Variants in RAB3IP observed in about 807,000 individuals in gnomAD.
The protein encoded by RAB3IP is rab-3A-interacting protein.
In RAB3IP, 36 loss-of-function variants were observed where a neutral mutation model predicts 59.1. That is an observed-to-expected ratio of 0.61 (90% CI 0.47 to 0.80). RAB3IP has a LOEUF of 0.80. RAB3IP is among the 30% of genes least tolerant of loss of function. The pLI, the probability that RAB3IP is intolerant of heterozygous loss-of-function variation, is 0.00. For missense variants in RAB3IP, 511 were observed against 536.0 expected (o/e 0.95, Z 0.46); for synonymous variants, 207 against 191.2 (o/e 1.08, Z -0.68).
intron 1 of RAB3IP, among the ~76,000 whole-genome samples, chr12:69,751,396 T>C (rs1054130804): frequency 6.6e-6 from 1 of 152,170 alleles, no homozygotes; most frequent in Non-Finnish European, 1.5e-5. Context: ...GTTCTTTTTT[T>C]TGGAGGACAT....
chr12:69,751,791 G>A (rs1187709052), intron 1 of RAB3IP, among the ~76,000 whole-genome samples: 7 of 151,980 alleles, frequency 4.6e-5, no homozygotes, highest in African/African-American at 1.7e-4. Flanking sequence ...TCTTTTCTGT[G>A]TGGTTAAGCT....
At chr12:69,780,862 T>C (rs1874580191) in intron 3 of RAB3IP, among the ~76,000 whole-genome samples, 1 of 152,230 alleles carries the variant, frequency 6.6e-6, no homozygotes, top group Non-Finnish European at 1.5e-5. Flanking sequence ...TTGTTATTTT[T>C]AATCAAATGC....
At chr12:69,746,042 A>G (rs1406425757) in intron 1 of RAB3IP, among the ~76,000 whole-genome samples, 1 of 152,218 alleles carries the variant, frequency 6.6e-6, no homozygotes, top group Admixed American at 6.5e-5. Context: ...TTGTGAATAA[A>G]TATAAATGAA....
intron 4 of RAB3IP, among the ~76,000 whole-genome samples, chr12:69,792,007 A>G: frequency 6.6e-6 from 1 of 152,326 alleles, no homozygotes; most frequent in African/African-American, 2.4e-5. Context: ...GCCTTTTGCA[A>G]CAACATGAGC....
intron 8 of RAB3IP, among the ~76,000 whole-genome samples, chr12:69,806,366 A>G (rs1446847794): frequency 1.2e-4 from 18 of 151,570 alleles, no homozygotes; most frequent in Non-Finnish European, 2.4e-4. Context: ...TTTTTATTGC[A>G]CCTATTTGAT....
intron 8 of RAB3IP, among the ~76,000 whole-genome samples, chr12:69,805,984 T>G (rs902862182): frequency 1.3e-5 from 2 of 152,198 alleles, no homozygotes; most frequent in Non-Finnish European, 2.9e-5. Flanking sequence ...TCTGCCCGGC[T>G]TTGGTATCAG....
chr12:69,783,690 A>G (rs1447129713), intron 3 of RAB3IP, among the ~76,000 whole-genome samples: 3 of 152,168 alleles, frequency 2.0e-5, no homozygotes, highest in African/African-American at 7.2e-5. Flanking sequence ...AGTTTTCTCC[A>G]AAGATAGAGT....
At chr12:69,786,081 G>T (rs898096924) in intron 4 of RAB3IP, among the ~76,000 whole-genome samples, 3 of 152,148 alleles carry the variant, frequency 2.0e-5, no homozygotes, top group Admixed American at 6.5e-5. Flanking sequence ...ACTTGGGGGG[G>T]TGGAAATTCC....
chr12:69,820,032 T>G lies in RAB3IP; in HGVS notation c.*4586T>G, dbSNP rs1198009635. 1 of 152,242 alleles carries G rather than the reference T, an allele frequency of 6.6e-6. No individual in the cohort carries two copies. Among genetic ancestry groups the G allele is most frequent in the African/African-American group, 2.4e-5 (1 of 41,452 alleles). The allele number at this position is 152,242 out of a possible 1,614,324, so 9.4% of individuals were successfully genotyped here. ...TCCCATCGCCACCACAAGAATCCTGTGTGTTTTTGTTTTGTGCATCCAGTC... is the reference window on the plus strand; with the variant it reads ...TCCCATCGCCACCACAAGAATCCTGGGTGTTTTTGTTTTGTGCATCCAGTC... On this transcript the variant is annotated 3_prime_UTR_variant, in exon 11 of 11. Transcript: ENST00000247833.
At chr12:69,779,628 G>T (rs1248200971) in intron 3 of RAB3IP, among the ~76,000 whole-genome samples, 6 of 146,190 alleles carry the variant, frequency 4.1e-5, no homozygotes, top group Non-Finnish European at 7.5e-5. Flanking sequence ...GGTTAATTCT[G>T]TTGTTGAAGC....
In RAB3IP at chr12:69,816,520, C is replaced by T. The variant is rs1371987590; in HGVS notation, c.*1074C>T. On this transcript the variant is annotated 3_prime_UTR_variant, in exon 11 of 11. Coordinates refer to ENST00000247833, the MANE Select transcript of RAB3IP (RefSeq NM_022456.5). ...ATATTTTCCCTTGGGTAAACCTACA[C>T]ATCCTAATCCCTGTTTATAGAATTT... 2 of 152,072 alleles carry T rather than the reference C, an allele frequency of 1.3e-5. No homozygotes were observed. Among genetic ancestry groups the T allele is most frequent in the African/African-American group, 4.8e-5 (2 of 41,386 alleles). The allele number at this position is 152,072 out of a possible 1,614,324, so 9.4% of individuals were successfully genotyped here.
intron 3 of RAB3IP, among the ~76,000 whole-genome samples, chr12:69,768,870 G>C (rs1872654018): frequency 6.6e-6 from 1 of 152,122 alleles, no homozygotes; most frequent in Non-Finnish European, 1.5e-5. Context: ...ATGTTGCCAG[G>C]TTGTCAAAGA....
intron 8 of RAB3IP, among the ~76,000 whole-genome samples, chr12:69,804,503 G>T (rs1186970259): frequency 6.6e-6 from 1 of 152,148 alleles, no homozygotes; most frequent in Admixed American, 6.6e-5. Context: ...AGTTTAATTA[G>T]ATCCCATTTG....
chr12:69,806,092 C>T (rs972071322), intron 8 of RAB3IP, among the ~76,000 whole-genome samples: 3 of 152,130 alleles, frequency 2.0e-5, no homozygotes, highest in African/African-American at 2.4e-5. Flanking sequence ...CTCCTTGTGC[C>T]TCTGGTAGAA....
At chr12:69,765,770 T>C (rs4258420) in intron 3 of RAB3IP, among the ~76,000 whole-genome samples, 52,345 of 152,158 alleles carry the variant, frequency 0.34, 9,239 homozygotes, top group Non-Finnish European at 0.37. Context: ...ATTTTTGTGG[T>C]AGCAGGTATC....
intron 3 of RAB3IP, among the ~76,000 whole-genome samples, chr12:69,781,551 C>T (rs1057217481): frequency 2.6e-5 from 4 of 152,168 alleles, no homozygotes; most frequent in Non-Finnish European, 5.9e-5. Flanking sequence ...CCTAAAAACC[C>T]TGGCAACCAC....
chr12:69,748,028 ATATAT>A (rs752145936), intron 1 of RAB3IP, among the ~76,000 whole-genome samples: 4 of 151,510 alleles, frequency 2.6e-5, no homozygotes, highest in African/African-American at 9.7e-5. Context: ...TAATTTTCAC[ATATAT>A]TAAATTGATA....
At position 69,822,258 on chromosome 12, in the gene RAB3IP, T is replaced by C. The variant is rs551282139; in HGVS notation, c.*6812T>C. On this transcript the variant is annotated 3_prime_UTR_variant, in exon 11 of 11. Coordinates refer to ENST00000247833, the MANE Select transcript of RAB3IP (RefSeq NM_022456.5). ...TACATCCAGCCAGTAACCATTGCTT[T>C]GTTTTACATCGCGTGCTTCAGGCTT... 1 of 152,346 alleles carries C rather than the reference T, an allele frequency of 6.6e-6. No homozygotes were observed. The highest frequency in any genetic ancestry group is 2.1e-4 in the South Asian group (1 of 4,828). The allele number at this position is 152,346 out of a possible 1,614,324, so 9.4% of individuals were successfully genotyped here. A position where few individuals can be genotyped will look rare whatever the true frequency, so the allele number is the denominator to read the frequency against.
chr12:69,814,135 A>G (rs974597597), intron 10 of RAB3IP, among the ~76,000 whole-genome samples: 1 of 152,180 alleles, frequency 6.6e-6, no homozygotes, highest in Non-Finnish European at 1.5e-5. Context: ...CTGTTGATGG[A>G]TAATATAATT....
Sources: gnomAD v4.1 joint callset for allele counts (sites outside exome capture counted in the v4.1 genomes callset) on GRCh38, gnomAD v4.1.1 for gene constraint, MANE v1.5 for transcripts, NCBI Gene and HGNC (gene_info 2026-07-23, HGNC 2026-07-21) for gene names.